The following DUSP22 variants were observed in gnomAD, a reference collection of about 807,000 sequenced individuals.
DUSP22 encodes dual specificity protein phosphatase 22.
In DUSP22, 24 loss-of-function variants were observed where a neutral mutation model predicts 24.5. The observed-to-expected ratio is 0.98, with a 90% CI of 0.71 to 1.38. The LOEUF is 1.38. Ranked by LOEUF, DUSP22 falls within the 40% of genes most tolerant of loss-of-function variation. The probability of loss-of-function intolerance (pLI) is 0.00; values close to 1 mark genes in which losing one functional copy is unlikely to be tolerated. For missense variants in DUSP22, 330 were observed against 269.2 expected, an observed-to-expected ratio of 1.23 and a Z score of -1.58; for synonymous variants, 160 against 106.4, an observed-to-expected ratio of 1.50 and a Z score of -3.10.
At chr6:324,799 G>A (rs1030551734) in intron 3 of DUSP22, among the ~76,000 whole-genome samples, 2 of 152,300 alleles carry the variant, frequency 1.3e-5, no homozygotes, top group Non-Finnish European at 2.9e-5. Flanking sequence ...GTCCAAGCCT[G>A]AAGACAAGCG....
chr6:317,208 C>G (rs1235536228), intron 3 of DUSP22, among the ~76,000 whole-genome samples: 10 of 152,308 alleles, frequency 6.6e-5, no homozygotes, highest in African/African-American at 2.2e-4. Flanking sequence ...GGTGAGACGC[C>G]CAGTCTGCTT....
chr6:318,715 T>A (rs1430680176), intron 3 of DUSP22, among the ~76,000 whole-genome samples: 1 of 152,310 alleles, frequency 6.6e-6, no homozygotes, highest in African/African-American at 2.4e-5. Context: ...AAGCCACACA[T>A]CTCATACACA....
intron 1 of DUSP22, among the ~76,000 whole-genome samples, chr6:303,597 C>A (rs984574720): frequency 6.6e-6 from 1 of 152,300 alleles, no homozygotes. Flanking sequence ...ACAGTGGGGG[C>A]GAGGCTAGGA....
At chr6:310,653 C>A (rs1320585301) in intron 2 of DUSP22, among the ~76,000 whole-genome samples, 4 of 152,300 alleles carry the variant, frequency 2.6e-5, no homozygotes, top group Non-Finnish European at 5.9e-5. Context: ...AAGTAATGGG[C>A]AGTTTCCTTT....
intron 1 of DUSP22, among the ~76,000 whole-genome samples, chr6:302,266 C>CA (rs1757614282): frequency 6.6e-6 from 1 of 152,308 alleles, no homozygotes; most frequent in Admixed American, 6.5e-5. Context: ...CACAGCCCCA[C>CA]ACATCTTAGG....
At chr6:299,257 G>T (rs1193076177) in intron 1 of DUSP22, among the ~76,000 whole-genome samples, 1 of 152,306 alleles carries the variant, frequency 6.6e-6, no homozygotes, top group Non-Finnish European at 1.5e-5. Context: ...TGACTGGTCA[G>T]CCAGGTTGTT....
chr6:304,560 G>A (rs1757735043), intron 1 of DUSP22, 68 bp from the exon 2 acceptor site: 3 of 1,607,686 alleles, frequency 1.9e-6, no homozygotes, highest in South Asian at 1.1e-5. Flanking sequence ...TGCTGGATGA[G>A]GCCCCCTTCT....
chr6:318,175 T>G (rs1419431386), intron 3 of DUSP22, among the ~76,000 whole-genome samples: 3 of 152,304 alleles, frequency 2.0e-5, no homozygotes, highest in African/African-American at 7.2e-5. Flanking sequence ...CTCCTGTGAC[T>G]TTCTGATTGA....
At chr6:302,826 A>G (rs1338991577) in intron 1 of DUSP22, among the ~76,000 whole-genome samples, 1 of 152,300 alleles carries the variant, frequency 6.6e-6, no homozygotes, top group Admixed American at 6.5e-5. Context: ...ACGCGACTCC[A>G]ATATGGCAGG....
intron 3 of DUSP22, among the ~76,000 whole-genome samples, chr6:323,638 G>A (rs2127405458): frequency 6.6e-6 from 1 of 152,420 alleles, no homozygotes; most frequent in South Asian, 2.1e-4. Context: ...GCGTCCCTTT[G>A]CCATCTTAGG....
intron 3 of DUSP22, among the ~76,000 whole-genome samples, chr6:314,060 G>C (rs563626008): frequency 1.3e-5 from 2 of 152,400 alleles, no homozygotes; most frequent in African/African-American, 4.8e-5. Context: ...ATTAGCGGAC[G>C]GGTTTGGTGC....
At chr6:305,327 T>G (rs1757773393) in intron 2 of DUSP22, among the ~76,000 whole-genome samples, 1 of 152,306 alleles carries the variant, frequency 6.6e-6, no homozygotes, top group South Asian at 2.1e-4. Context: ...GGTTCTCCTT[T>G]GAACTCTCCA....
chr6:300,667 G>C (rs1373651791), intron 1 of DUSP22, among the ~76,000 whole-genome samples: 1 of 152,310 alleles, frequency 6.6e-6, no homozygotes, highest in African/African-American at 2.4e-5. Flanking sequence ...GGTCCTAGCA[G>C]GGCGGGTAGG....
chr6:311,891 G>A lies in DUSP22; in HGVS notation c.67G>A (p.Ala23Thr), dbSNP rs144879804. ...YIGNFKDARD[A>T]EQLSKNKVTH... Reference sequence around the variant, plus strand: ...TTCTTCTCTGACAGATGCCAGAGACGCGGAACAATTGAGCAAGAACAAGGT... The same window carrying A: ...TTCTTCTCTGACAGATGCCAGAGACACGGAACAATTGAGCAAGAACAAGGT... Residue 23 changes from alanine to threonine, a missense_variant, in exon 3 of 7, where the codon GCG (alanine) becomes ACG (threonine). By Grantham distance (58) the Ala-to-Thr change is moderately conservative. Coordinates refer to ENST00000419235, the MANE Select transcript of DUSP22 (RefSeq NM_001286555.3). 49 of 1,611,838 alleles carry A rather than the reference G, an allele frequency of 3.0e-5. No individual in the cohort carries two copies. The highest frequency in any genetic ancestry group is 2.8e-4 in the African/African-American group (21 of 74,918).
intron 1 of DUSP22, among the ~76,000 whole-genome samples, chr6:295,515 C>A (rs1372793538): frequency 1.3e-5 from 2 of 152,278 alleles, no homozygotes; most frequent in Admixed American, 6.5e-5. Flanking sequence ...TGGCTCGTGC[C>A]TGTAATCACA....
At chr6:304,172 C>T (rs1757709518) in intron 1 of DUSP22, among the ~76,000 whole-genome samples, 1 of 152,312 alleles carries the variant, frequency 6.6e-6, no homozygotes, top group Admixed American at 6.5e-5. Flanking sequence ...ACATAGAGGG[C>T]TACTGTCACT....
intron 4 of DUSP22, among the ~76,000 whole-genome samples, chr6:336,569 T>C (rs1759370178): frequency 6.6e-6 from 1 of 152,298 alleles, no homozygotes; most frequent in Admixed American, 6.5e-5. Context: ...AAAATAGAGC[T>C]GGAGTAAGAT....
Position 350,393 on chromosome 6 carries a change from G to A in DUSP22, c.*1442G>A, listed in dbSNP as rs890072537. On this transcript the variant is annotated 3_prime_UTR_variant, in exon 7 of 7. Coordinates refer to ENST00000419235, the MANE Select transcript of DUSP22 (RefSeq NM_001286555.3). The stretch of plus-strand genomic sequence containing the variant: ...ATTCCTTAAGCATGCAGAGTCACTC[G>A]AATGAAAAAACATACTCGACCTCTC... The A allele has an allele frequency of 6.2e-5, 68 of 1,089,532 alleles. No individual in the cohort carries two copies. The highest frequency in any genetic ancestry group is 4.3e-4 in the Middle Eastern group (1 of 2,310). The allele number at this position is 1,089,532 out of a possible 1,614,324, so 67.5% of individuals were successfully genotyped here.
chr6:315,302 C>T (rs111347310), intron 3 of DUSP22, among the ~76,000 whole-genome samples: 15,442 of 146,912 alleles, frequency 0.11, no homozygotes, highest in Non-Finnish European at 0.15. Context: ...TGCTCTCTGT[C>T]GGAGACAGAA....
Sources: allele counts gnomAD v4.1 joint callset (sites outside exome capture counted in the v4.1 genomes callset), GRCh38; gene constraint gnomAD v4.1.1; transcripts MANE v1.5; gene names NCBI Gene and HGNC (gene_info 2026-07-23, HGNC 2026-07-21).